Variants in ZMYND8 observed in about 807,000 individuals in gnomAD.
ZMYND8 encodes the protein zinc finger MYND-type containing 8.
Under a neutral mutation model 140.8 loss-of-function variants are expected in ZMYND8, and 37 were observed. The ratio of observed to expected loss-of-function variants is 0.26; its 90% CI spans 0.20 to 0.35. The LOEUF is 0.35. ZMYND8 is among the 10% of genes least tolerant of loss of function. ZMYND8 has a pLI of 1.00. For synonymous variants in ZMYND8, 592 were observed against 597.1 expected, an observed-to-expected ratio of 0.99 and a Z score of 0.12; for missense variants, 1,068 against 1,570.0, an observed-to-expected ratio of 0.68 and a Z score of 5.40.
intron 11 of ZMYND8, among the ~76,000 whole-genome samples, chr20:47,275,582 G>GT (rs2076208382): frequency 1.3e-5 from 2 of 151,330 alleles, no homozygotes; most frequent in South Asian, 4.2e-4. Context: ...TACTATTATT[G>GT]TTTTTTACCT....
intron 12 of ZMYND8, among the ~76,000 whole-genome samples, chr20:47,260,321 GT>G (rs1191795407): frequency 2.6e-5 from 4 of 152,124 alleles, no homozygotes; most frequent in African/African-American, 9.7e-5. Context: ...GAGATGTGAA[GT>G]CCATTCACAT....
chr20:47,308,346 G>C (rs1340219558), intron 3 of ZMYND8, among the ~76,000 whole-genome samples: 1 of 151,310 alleles, frequency 6.6e-6, no homozygotes, highest in African/African-American at 2.4e-5. Context: ...AGCCTCCCGA[G>C]TAGCTGGGAT....
intron 19 of ZMYND8, among the ~76,000 whole-genome samples, chr20:47,222,535 C>G (rs1337731916): frequency 6.9e-6 from 1 of 145,940 alleles, no homozygotes; most frequent in African/African-American, 2.5e-5. Flanking sequence ...GACTCCGTCT[C>G]AACGAAAAAA....
At chr20:47,255,914 A>G (rs1416882298) in intron 12 of ZMYND8, among the ~76,000 whole-genome samples, 2 of 150,314 alleles carry the variant, frequency 1.3e-5, no homozygotes, top group African/African-American at 4.9e-5. Context: ...TCTCTACTAA[A>G]TACAAAAAAT....
At chr20:47,214,466 C>T (rs1211721616) in intron 21 of ZMYND8, among the ~76,000 whole-genome samples, 1 of 152,172 alleles carries the variant, frequency 6.6e-6, no homozygotes, top group Non-Finnish European at 1.5e-5. Flanking sequence ...TGACTCTGCC[C>T]AGCCTCTTTC....
At chr20:47,275,753 A>G (rs1241828792) in intron 11 of ZMYND8, among the ~76,000 whole-genome samples, 1 of 151,928 alleles carries the variant, frequency 6.6e-6, no homozygotes, top group Non-Finnish European at 1.5e-5. Flanking sequence ...GACTATAGAC[A>G]CACGCCACCA....
intron 8 of ZMYND8, chr20:47,285,682 A>G: frequency 2.0e-6 from 2 of 985,338 alleles, no homozygotes; most frequent in Non-Finnish European, 2.4e-6. Flanking sequence ...CAAATGCGCA[A>G]TGATATTCAT....
At chr20:47,303,640 G>A (rs909815942) in intron 3 of ZMYND8, among the ~76,000 whole-genome samples, 2 of 151,744 alleles carry the variant, frequency 1.3e-5, no homozygotes. Flanking sequence ...AGGTTGCGGT[G>A]AGCCAAGATC....
chr20:47,210,980 T>TGCACAGGAAACCACCTTCCCCTCCC, intron 22 of ZMYND8, 83 bp from the exon 23 acceptor site: 1 of 1,546,780 alleles, frequency 6.5e-7, no homozygotes, highest in Non-Finnish European at 8.8e-7. Context: ...CTGCCCCTCC[T>TGCACAGGAAACCACCTTCCCCTCCC]GCACAGGAAA....
chr20:47,278,723 G>T (rs1035706318), intron 10 of ZMYND8, among the ~76,000 whole-genome samples: 2 of 152,192 alleles, frequency 1.3e-5, no homozygotes, highest in East Asian at 3.8e-4. Context: ...TCTGACTGCT[G>T]TCTTTCTCCT....
intron 18 of ZMYND8, among the ~76,000 whole-genome samples, chr20:47,225,325 C>G (rs953892235): frequency 6.6e-6 from 1 of 151,960 alleles, no homozygotes; most frequent in African/African-American, 2.4e-5. Flanking sequence ...CTTTGGGAGG[C>G]TGAGGCAGAT....
At chr20:47,334,541 A>C (rs1357351820) in intron 2 of ZMYND8, among the ~76,000 whole-genome samples, 1 of 150,896 alleles carries the variant, frequency 6.6e-6, no homozygotes, top group Non-Finnish European at 1.5e-5. Flanking sequence ...GAAGTTTCTT[A>C]TTGGGGGTGA....
intron 2 of ZMYND8, chr20:47,318,566 C>A: frequency 2.7e-6 from 1 of 368,940 alleles, no homozygotes; most frequent in South Asian, 2.0e-5. Flanking sequence ...GTCCTCGCAG[C>A]AGAGAATGCC....
intron 2 of ZMYND8, among the ~76,000 whole-genome samples, chr20:47,330,127 C>T (rs1017061667): frequency 3.3e-5 from 5 of 152,092 alleles, no homozygotes; most frequent in South Asian, 2.1e-4. Context: ...ATGGTCCTCA[C>T]GAAGGTCAGT....
At chr20:47,287,070 T>A (rs185358421) in intron 8 of ZMYND8, among the ~76,000 whole-genome samples, 159 bp downstream of exon 8, 1 of 152,342 alleles carries the variant, frequency 6.6e-6, no homozygotes, top group Admixed American at 6.5e-5. Context: ...CTCGGGCCCC[T>A]CTTTGTTCTT....
At position 47,228,819 on chromosome 20, in the gene ZMYND8, A is replaced by G. The variant is rs538886011; in HGVS notation, c.2937+907T>C. Among the ~76,000 whole-genome samples, 10 of 152,286 alleles carry G rather than the reference A, an allele frequency of 6.6e-5. No homozygotes were observed. In the South Asian group the frequency reaches 1.0e-3, roughly 16 times the overall value. On this transcript the variant is annotated intron_variant, in intron 17 of 22. Transcript: ENST00000471951. ...CAACGTCACCTTAAATGACCTCTGTAAGTCCTGCCATTTGTCATTTCACCT... is the reference window on the plus strand; with the variant it reads ...CAACGTCACCTTAAATGACCTCTGTGAGTCCTGCCATTTGTCATTTCACCT...
intron 4 of ZMYND8, 141 bp from the exon 5 acceptor site, chr20:47,294,920 A>T: frequency 1.4e-6 from 1 of 703,594 alleles, no homozygotes; most frequent in Non-Finnish European, 2.4e-6. Context: ...CTTAGCAAAG[A>T]CTCCTGGAAC....
intron 2 of ZMYND8, among the ~76,000 whole-genome samples, chr20:47,335,767 C>G (rs1176507194): frequency 6.6e-6 from 1 of 152,222 alleles, no homozygotes; most frequent in Non-Finnish European, 1.5e-5. Context: ...TGCACAGACA[C>G]TGCCGACAGG....
chr20:47,280,533 C>A (rs536772480), intron 10 of ZMYND8, among the ~76,000 whole-genome samples: 2 of 152,272 alleles, frequency 1.3e-5, no homozygotes, highest in East Asian at 3.9e-4. Context: ...GAGGTCCCTG[C>A]AGAGCAGTCA....
Sources: allele counts gnomAD v4.1 joint callset (sites outside exome capture counted in the v4.1 genomes callset), GRCh38; gene constraint gnomAD v4.1.1; transcripts MANE v1.5; gene names NCBI Gene and HGNC (gene_info 2026-07-23, HGNC 2026-07-21).